HOXC4: variants seen among roughly 807,000 people sequenced by gnomAD.
HOXC4 encodes the protein homeobox C4, also known as homeobox protein Hox-C4.
In HOXC4, 15 loss-of-function variants were observed where a neutral mutation model predicts 25.5. The ratio of observed to expected loss-of-function variants is 0.59; its 90% CI spans 0.39 to 0.91. The LOEUF is 0.91. HOXC4 is among the 40% of genes least tolerant of loss of function. The pLI, the probability that HOXC4 is intolerant of heterozygous loss-of-function variation, is 0.00. For missense variants in HOXC4, 342 were observed against 352.4 expected, an observed-to-expected ratio of 0.97 and a Z score of 0.24; for synonymous variants, 165 against 148.0, an observed-to-expected ratio of 1.11 and a Z score of -0.83.
At chr12:54,031,982 G>A (rs1051853306) in intron 1 of HOXC4, among the ~76,000 whole-genome samples, 1 of 152,168 alleles carries the variant, frequency 6.6e-6, no homozygotes, top group African/African-American at 2.4e-5. Flanking sequence ...GGCACATAAC[G>A]GGCCTTTTCC....
chr12:54,028,754 A>G (rs1940847653), intron 1 of HOXC4: 2 of 1,614,112 alleles, frequency 1.2e-6, no homozygotes, highest in South Asian at 2.2e-5. Context: ...AATTCCTTTT[A>G]CCAGGAGAAA....
In HOXC4 at chr12:54,055,163, G is replaced by A. The variant is rs1281341453; in HGVS notation, c.753G>A (p.Thr251=). ...CTGAAGACCACTCCCAGAGCGCCACGCCGCCGGAGCAGCAACGGGCAGAGG... is the reference window on the plus strand; with the variant it reads ...CTGAAGACCACTCCCAGAGCGCCACACCGCCGGAGCAGCAACGGGCAGAGG... ...GTSEDHSQSA[T]PPEQQRAEDI... Residue 251 remains threonine (T), a synonymous_variant, in exon 2 of 2, where the codon ACG becomes ACA. Coordinates refer to ENST00000430889, the MANE Select transcript of HOXC4 (RefSeq NM_153633.3). The A allele has an allele frequency of 1.2e-6, 2 of 1,611,414 alleles. No homozygotes were observed. Among genetic ancestry groups the A allele is most frequent in the East Asian group, 2.2e-5 (1 of 44,814 alleles).
At chr12:54,028,448 CTA>C (rs1409844218) in intron 1 of HOXC4, 1 of 1,499,228 alleles carries the variant, frequency 6.7e-7, no homozygotes, top group Non-Finnish European at 9.1e-7. Context: ...CTATAACCAT[CTA>C]GTTCCGAGTA....
Position 54,055,324 on chromosome 12 carries a change from C to G in HOXC4, c.*119C>G, listed in dbSNP as rs1464456605. ...TATATATATATATAGGTTCTTTTCTCTCTTCCTCTCACCTTGTCCCTTGTC... is the reference window on the plus strand; with the variant it reads ...TATATATATATATAGGTTCTTTTCTGTCTTCCTCTCACCTTGTCCCTTGTC... On this transcript the variant is annotated 3_prime_UTR_variant, in exon 2 of 2. Transcript: ENST00000430889. The G allele has an allele frequency of 3.9e-6, 1 of 254,422 alleles. No individual in the cohort carries two copies. The highest frequency in any genetic ancestry group is 6.6e-5 in the Admixed American group (1 of 15,200). 15.8% of individuals were successfully genotyped at this position (254,422 alleles called of 1,614,324 possible).
intron 1 of HOXC4, chr12:54,029,026 AC>A: frequency 8.9e-7 from 1 of 1,117,538 alleles, no homozygotes; most frequent in Non-Finnish European, 1.3e-6. Context: ...CCCCATAAAA[AC>A]AATCACGCTC....
upstream of HOXC4, among the ~76,000 whole-genome samples, chr12:54,052,579 G>GT (rs1367545439): frequency 8.8e-5 from 13 of 146,970 alleles, 1 homozygote; most frequent in South Asian, 4.2e-4. Flanking sequence ...TGGGGGGGGG[G>GT]GGTGGTGGTT....
At chr12:54,039,472 C>T (rs112250455) in intron 1 of HOXC4, among the ~76,000 whole-genome samples, 6 of 152,080 alleles carry the variant, frequency 3.9e-5, no homozygotes, top group African/African-American at 1.4e-4. Context: ...ATTCCCTTGA[C>T]GCCATCCCTC....
chr12:54,054,174 C>G lies in HOXC4; in HGVS notation c.252C>G (p.Ala84=). The part of the protein sequence containing the change: ...GPGNSRGHGP[A]QAGHHHPEKS... ...GCAATTCGCGAGGCCACGGGCCGGCCCAGGCGGGCCACCACCACCCCGAGA... is the reference window on the plus strand; with the variant it reads ...GCAATTCGCGAGGCCACGGGCCGGCGCAGGCGGGCCACCACCACCCCGAGA... The change falls in exon 1 of 2, where the codon GCC becomes GCG. Residue 84 remains alanine, a synonymous_variant. Coordinates refer to ENST00000430889, the MANE Select transcript of HOXC4 (RefSeq NM_153633.3). 6.2e-7 allele frequency: 1 copy of G among 1,613,698 alleles called. No individual in the cohort carries two copies. Among genetic ancestry groups the G allele is most frequent in the Non-Finnish European group, 8.5e-7 (1 of 1,179,814 alleles).
At chr12:54,028,386 G>A (rs1940823623) in intron 1 of HOXC4, 2 of 943,042 alleles carry the variant, frequency 2.1e-6, no homozygotes, top group Admixed American at 2.9e-5. Flanking sequence ...CGATTGGCTG[G>A]GAGGGGGTCA....
intron 1 of HOXC4, chr12:54,033,547 C>T (rs1436158741): frequency 1.0e-5 from 16 of 1,596,280 alleles, no homozygotes; most frequent in Admixed American, 1.7e-5. Context: ...CAGATTTACC[C>T]GTGGATGACC....
At chr12:54,045,879 G>T (rs908809605) in intron 1 of HOXC4, among the ~76,000 whole-genome samples, 4 of 152,152 alleles carry the variant, frequency 2.6e-5, no homozygotes, top group Non-Finnish European at 2.9e-5. Context: ...AGGGGTCATA[G>T]ACTGCCTCCA....
chr12:54,054,911 A>T lies in HOXC4; in HGVS notation c.501A>T (p.Gln167His). Residue 167 changes from glutamine (Q) to histidine (H), a missense_variant, in exon 2 of 2, where the codon CAA becomes CAT. Transcript: ENST00000430889. ...CGAGGACAGCCTATACCCGGCAGCA[A>T]GTCCTGGAATTAGAGAAAGAGTTTC... is the stretch of plus-strand genomic sequence containing the variant. ...KRSRTAYTRQ[Q>H]VLELEKEFHY... 6.2e-7 allele frequency: 1 copy of T among 1,614,074 alleles called. No homozygotes were observed. Among genetic ancestry groups the T allele is most frequent in the Non-Finnish European group, 8.5e-7 (1 of 1,180,012 alleles).
intron 1 of HOXC4, among the ~76,000 whole-genome samples, chr12:54,023,741 G>A (rs894738): frequency 0.29 from 44,643 of 152,052 alleles, 7,381 homozygotes; most frequent in East Asian, 0.44. Context: ...TTCTCTCCAT[G>A]CCTAAACTTT....
At chr12:54,048,786 C>A (rs1309293561) in intron 1 of HOXC4, among the ~76,000 whole-genome samples, 4 of 152,176 alleles carry the variant, frequency 2.6e-5, no homozygotes, top group Admixed American at 2.0e-4. Flanking sequence ...TTCCTGTCAT[C>A]TCTTTAATAC....
At position 54,044,725 on chromosome 12, in the gene HOXC4, T is replaced by TTGTGTGTG. The variant is rs58933808; in HGVS notation, c.-123-8423_-123-8416dup. ...TGCAGGGGTGTGTGAGTGTGTGTGT[T>TTGTGTGTG]TGTGTGTGTGTGTGTGTGTAAGCCC... On this transcript the variant is annotated intron_variant, in intron 1 of 3. Transcript: ENST00000303406. 7.5e-3 allele frequency among the ~76,000 whole-genome samples: 1,106 copies of TTGTGTGTG among 147,030 alleles called. 5 individuals carry two copies. The highest frequency in any genetic ancestry group is 0.011 in the Non-Finnish European group (749 of 67,260).
At chr12:54,024,673 C>G (rs557032181) in intron 1 of HOXC4, among the ~76,000 whole-genome samples, 1 of 152,156 alleles carries the variant, frequency 6.6e-6, no homozygotes, top group African/African-American at 2.4e-5. Flanking sequence ...CCCACCCACC[C>G]TTTCCCCAGT....
chr12:54,051,349 T>C (rs908660056), upstream of HOXC4, among the ~76,000 whole-genome samples: 2 of 152,036 alleles, frequency 1.3e-5, no homozygotes, highest in African/African-American at 4.8e-5. Flanking sequence ...CAGACTTAGG[T>C]ACTAGGATTC....
intron 1 of HOXC4, among the ~76,000 whole-genome samples, chr12:54,023,790 A>AG (rs759650653): frequency 6.6e-6 from 1 of 152,094 alleles, no homozygotes. Flanking sequence ...CGGTGTGTGT[A>AG]GCGGGGGCAG....
intron 1 of HOXC4, chr12:54,033,463 G>C (rs200190925): frequency 1.3e-6 from 2 of 1,598,922 alleles, no homozygotes; most frequent in African/African-American, 2.7e-5. Flanking sequence ...CGAGCTAAGA[G>C]CAGTGGGGAG....
Sources: gnomAD v4.1 joint callset for allele counts (sites outside exome capture counted in the v4.1 genomes callset) on GRCh38, gnomAD v4.1.1 for gene constraint, MANE v1.5 for transcripts, NCBI Gene and HGNC (gene_info 2026-07-23, HGNC 2026-07-21) for gene names.